The following FAM107B variants were observed in gnomAD, a reference collection of about 807,000 sequenced individuals.
The protein encoded by FAM107B is protein FAM107B.
A neutral mutation model predicts 31.5 loss-of-function variants in FAM107B; 21 were observed. The observed-to-expected ratio is 0.67, with a 90% CI of 0.47 to 0.96. The LOEUF is 0.96. FAM107B is among the 40% of genes least tolerant of loss of function. FAM107B has a pLI of 0.00. For synonymous variants in FAM107B, 157 were observed against 141.5 expected (o/e 1.11, Z -0.78); for missense variants, 452 against 377.1 (o/e 1.20, Z -1.64).
intron 2 of FAM107B, among the ~76,000 whole-genome samples, chr10:14,590,940 G>C (rs1452999393): frequency 2.3e-5 from 3 of 132,878 alleles, no homozygotes; most frequent in African/African-American, 8.5e-5. Flanking sequence ...AGTGAGCCGA[G>C]ATCGTTCCAC....
chr10:14,729,379 C>T (rs2601753), intron 1 of FAM107B, among the ~76,000 whole-genome samples: 7,387 of 152,184 alleles, frequency 0.049, 558 homozygotes, highest in African/African-American at 0.17. Flanking sequence ...AAGGTCATTG[C>T]TATATGCTAC....
chr10:14,772,381 G>C (rs1216769675), intron 1 of FAM107B, among the ~76,000 whole-genome samples: 3 of 142,360 alleles, frequency 2.1e-5, no homozygotes, highest in African/African-American at 9.0e-5. Flanking sequence ...ATATATATAT[G>C]CACCTCACTG....
chr10:14,626,028 G>T (rs1441557733), intron 2 of FAM107B, among the ~76,000 whole-genome samples: 1 of 152,112 alleles, frequency 6.6e-6, no homozygotes, highest in African/African-American at 2.4e-5. Flanking sequence ...CCAAGGGGAG[G>T]CTTGGGATAC....
At chr10:14,595,675 C>T (rs1852167259) in intron 2 of FAM107B, among the ~76,000 whole-genome samples, 1 of 152,078 alleles carries the variant, frequency 6.6e-6, no homozygotes, top group African/African-American at 2.4e-5. Flanking sequence ...CCCTTGGTCT[C>T]CACATCTGTA....
At chr10:14,622,788 T>G (rs945823395) in intron 2 of FAM107B, among the ~76,000 whole-genome samples, 1 of 152,242 alleles carries the variant, frequency 6.6e-6, no homozygotes, top group African/African-American at 2.4e-5. Flanking sequence ...AAACATATGT[T>G]GAGCATTTGT....
At chr10:14,740,011 T>G (rs1279736652) in intron 1 of FAM107B, among the ~76,000 whole-genome samples, 1 of 152,244 alleles carries the variant, frequency 6.6e-6, no homozygotes, top group East Asian at 1.9e-4. Context: ...GCTCATTCAC[T>G]GCCTGTGGGA....
At chr10:14,678,402 C>T (rs528942813) in intron 1 of FAM107B, among the ~76,000 whole-genome samples, 2 of 152,258 alleles carry the variant, frequency 1.3e-5, no homozygotes, top group African/African-American at 2.4e-5. Context: ...TTCAGCAAAA[C>T]TGACTCAAGG....
intron 1 of FAM107B, among the ~76,000 whole-genome samples, chr10:14,693,726 G>C (rs1323989060): frequency 6.6e-6 from 1 of 151,890 alleles, no homozygotes; most frequent in Non-Finnish European, 1.5e-5. Flanking sequence ...CTGCTACTTT[G>C]TACCCACTGA....
At chr10:14,534,838 T>C (rs574840702) in intron 2 of FAM107B, 1 of 152,382 alleles carries the variant, frequency 6.6e-6, no homozygotes, top group African/African-American at 2.4e-5. Context: ...ACATGTCTGG[T>C]TTATGTTCCT....
At chr10:14,527,971 T>C (rs897870846) in intron 3 of FAM107B, 1 of 337,188 alleles carries the variant, frequency 3.0e-6, no homozygotes, top group Non-Finnish European at 5.7e-6. Flanking sequence ...TGAGATATAT[T>C]TTCATTTCAT....
chr10:14,569,713 G>A (rs1210982209), intron 2 of FAM107B, among the ~76,000 whole-genome samples: 1 of 152,152 alleles, frequency 6.6e-6, no homozygotes, highest in Non-Finnish European at 1.5e-5. Flanking sequence ...AAGACCTTGA[G>A]GGAAACCAAG....
intron 1 of FAM107B, among the ~76,000 whole-genome samples, chr10:14,737,721 G>A (rs774920923): frequency 6.6e-6 from 1 of 150,570 alleles, no homozygotes; most frequent in African/African-American, 2.5e-5. Context: ...CCCTGAAAAC[G>A]TTTCCCAGGC....
At chr10:14,696,089 C>CA (rs1327767538) in intron 1 of FAM107B, among the ~76,000 whole-genome samples, 6 of 152,184 alleles carry the variant, frequency 3.9e-5, no homozygotes. Flanking sequence ...AGTTGTTCCC[C>CA]ATTTATTATA....
At chr10:14,619,460 T>G (rs570973067) in intron 2 of FAM107B, among the ~76,000 whole-genome samples, 48 of 152,336 alleles carry the variant, frequency 3.2e-4, no homozygotes, top group Non-Finnish European at 5.6e-4. Flanking sequence ...TCATGTGCTA[T>G]TTGTCATCCA....
intron 1 of FAM107B, among the ~76,000 whole-genome samples, chr10:14,759,459 A>G (rs2131589326): frequency 6.6e-6 from 1 of 152,222 alleles, no homozygotes; most frequent in South Asian, 2.1e-4. Context: ...GCTGCCAGGC[A>G]CTTGGTGCTT....
In FAM107B at chr10:14,767,055, T is replaced by TAGAGAGAG. The variant is rs1186875187; in HGVS notation, c.411+7190_411+7197dup. 5.9e-3 allele frequency among the ~76,000 whole-genome samples: 107 copies of TAGAGAGAG among 18,274 alleles called. 9 individuals are homozygous for TAGAGAGAG. Among genetic ancestry groups the TAGAGAGAG allele is most frequent in the South Asian group, 0.012 (3 of 244 alleles). The allele number at this position is 18,274 out of a possible 152,430, so 12.0% of individuals were successfully genotyped here. ...ATATATATATATATATATATATATA[T>TAGAGAGAG]AGAGAGAGAGAGAGAGAGAGAGAGA... On this transcript the variant is annotated intron_variant, in intron 1 of 4. Coordinates refer to ENST00000181796, the MANE Select transcript of FAM107B (RefSeq NM_031453.4).
intron 2 of FAM107B, among the ~76,000 whole-genome samples, chr10:14,582,373 T>TCC (rs1335368967): frequency 4.6e-5 from 4 of 87,420 alleles, no homozygotes; most frequent in African/African-American, 1.5e-4. Flanking sequence ...GTTTTTTCTT[T>TCC]TCTTTTTTTT....
intron 1 of FAM107B, among the ~76,000 whole-genome samples, chr10:14,770,947 A>G (rs995715541): frequency 1.3e-4 from 17 of 128,182 alleles, no homozygotes; most frequent in Admixed American, 6.7e-4. Flanking sequence ...GCTTGTCCCC[A>G]TTTCTTACCT....
intron 2 of FAM107B, among the ~76,000 whole-genome samples, chr10:14,546,654 G>A (rs55909260): frequency 2.0e-5 from 3 of 152,106 alleles, no homozygotes; most frequent in African/African-American, 7.2e-5. Context: ...GCTCAGACAC[G>A]GTTATTTAGA....
Sources: allele counts gnomAD v4.1 joint callset (sites outside exome capture counted in the v4.1 genomes callset), GRCh38; gene constraint gnomAD v4.1.1; transcripts MANE v1.5; gene names NCBI Gene and HGNC (gene_info 2026-07-23, HGNC 2026-07-21).